Variants in CHCHD3 observed in about 807,000 individuals in gnomAD.
CHCHD3 encodes MICOS complex subunit MIC19.
CHCHD3 carries 20 observed loss-of-function variants against 38.2 expected under a neutral mutation model. The observed-to-expected ratio is 0.52, with a 90% confidence interval of 0.37 to 0.76. The LOEUF (loss-of-function observed/expected upper bound fraction) is 0.76, where lower values mean the gene tolerates loss of function less well. CHCHD3 is among the 30% of genes least tolerant of loss of function. The pLI, the probability that CHCHD3 is intolerant of heterozygous loss-of-function variation, is 0.00. For missense variants in CHCHD3, 245 were observed against 279.2 expected (o/e 0.88, Z 0.87); for synonymous variants, 82 against 100.0 (o/e 0.82, Z 1.07).
intron 3 of CHCHD3, among the ~76,000 whole-genome samples, chr7:133,006,492 TAAAA>T (rs764792096): frequency 0.02 from 971 of 49,628 alleles, 5 homozygotes; most frequent in Middle Eastern, 0.042. Flanking sequence ...AATAAATAAA[TAAAA>T]AAATAAATAA....
chr7:132,998,908 A>T (rs1812493726), intron 3 of CHCHD3, among the ~76,000 whole-genome samples: 1 of 152,182 alleles, frequency 6.6e-6, no homozygotes, highest in Admixed American at 6.5e-5. Flanking sequence ...AACAGCAAGG[A>T]GAAGAGGATT....
intron 7 of CHCHD3, 41 bp downstream of exon 7, chr7:132,796,401 A>T: frequency 6.2e-7 from 1 of 1,608,708 alleles, no homozygotes; most frequent in Non-Finnish European, 8.5e-7. Flanking sequence ...TCCAGTTTTC[A>T]ATTTGCCCAG....
chr7:132,880,453 A>G (rs1809022087), intron 5 of CHCHD3, among the ~76,000 whole-genome samples: 1 of 152,222 alleles, frequency 6.6e-6, no homozygotes, highest in African/African-American at 2.4e-5. Context: ...ACTTTCTCCC[A>G]GGATAGAATT....
chr7:132,862,124 G>T (rs564706723), intron 5 of CHCHD3, among the ~76,000 whole-genome samples: 1 of 151,602 alleles, frequency 6.6e-6, no homozygotes, highest in Non-Finnish European at 1.5e-5. Flanking sequence ...AAGGAAGGAA[G>T]GAGGGAAGAA....
At chr7:133,050,859 AC>A (rs1427805909) in intron 2 of CHCHD3, among the ~76,000 whole-genome samples, 1 of 151,910 alleles carries the variant, frequency 6.6e-6, no homozygotes, top group African/African-American at 2.4e-5. Context: ...TGCTAAAAAT[AC>A]AAAAAATTAG....
chr7:132,811,078 A>G (rs1563242323), intron 6 of CHCHD3, among the ~76,000 whole-genome samples: 1 of 152,154 alleles, frequency 6.6e-6, no homozygotes, highest in Admixed American at 6.5e-5. Flanking sequence ...TTGAGAAAAA[A>G]AAAATAAACC....
chr7:133,081,827 C>A, intron 1 of CHCHD3, 30 bp downstream of exon 1: 1 of 1,550,346 alleles, frequency 6.5e-7, no homozygotes, highest in Non-Finnish European at 8.7e-7. Context: ...AGTCCAACCA[C>A]TGGCCCTCCG....
chr7:132,807,729 A>G (rs1806968680), intron 6 of CHCHD3, among the ~76,000 whole-genome samples: 2 of 150,350 alleles, frequency 1.3e-5, no homozygotes, highest in Non-Finnish European at 3.0e-5. Context: ...CACAATTGCA[A>G]ATAGCAGTTG....
intron 6 of CHCHD3, among the ~76,000 whole-genome samples, chr7:132,802,396 C>T (rs1806815964): frequency 1.3e-5 from 2 of 152,112 alleles, no homozygotes; most frequent in Non-Finnish European, 2.9e-5. Context: ...TGGGATCTTG[C>T]CAACTGCACC....
intron 5 of CHCHD3, among the ~76,000 whole-genome samples, chr7:132,868,066 C>T (rs1357250746): frequency 3.3e-5 from 5 of 152,082 alleles, no homozygotes; most frequent in Admixed American, 3.3e-4. Flanking sequence ...TTATAATGCC[C>T]ATAATTTTAT....
chr7:132,798,771 T>G (rs1806687736), intron 6 of CHCHD3, among the ~76,000 whole-genome samples: 1 of 152,156 alleles, frequency 6.6e-6, no homozygotes, highest in African/African-American at 2.4e-5. Context: ...GAAGACAGTT[T>G]ATTTTTTCCT....
At chr7:133,066,586 C>T (rs1814676988) in intron 2 of CHCHD3, among the ~76,000 whole-genome samples, 1 of 152,046 alleles carries the variant, frequency 6.6e-6, no homozygotes, top group Non-Finnish European at 1.5e-5. Flanking sequence ...CTTTCAGTGC[C>T]CAGGCTGGTC....
intron 2 of CHCHD3, among the ~76,000 whole-genome samples, chr7:133,025,900 C>T (rs1813323592): frequency 6.6e-6 from 1 of 152,134 alleles, no homozygotes; most frequent in Non-Finnish European, 1.5e-5. Context: ...ATGCTTAGTC[C>T]CACAGCATAT....
intron 3 of CHCHD3, among the ~76,000 whole-genome samples, chr7:133,007,623 GAGAAACTAGCC>G: frequency 1.3e-5 from 2 of 152,210 alleles, no homozygotes; most frequent in East Asian, 3.9e-4. Flanking sequence ...CAAGGGTAGA[GAGAAACTAGCC>G]ACTCTCTGGA....
At chr7:132,866,782 C>T (rs1808636450) in intron 5 of CHCHD3, among the ~76,000 whole-genome samples, 1 of 152,184 alleles carries the variant, frequency 6.6e-6, no homozygotes, top group Non-Finnish European at 1.5e-5. Context: ...AAGACAGATA[C>T]TATACTTGAA....
intron 6 of CHCHD3, among the ~76,000 whole-genome samples, chr7:132,834,040 G>A (rs182567755): frequency 2.0e-5 from 3 of 152,276 alleles, no homozygotes; most frequent in African/African-American, 7.2e-5. Context: ...TCCGGTTCAG[G>A]TTCAAGATAG....
chr7:133,078,672 CACT>C (rs1815075123), intron 1 of CHCHD3, among the ~76,000 whole-genome samples: 1 of 152,178 alleles, frequency 6.6e-6, no homozygotes, highest in Non-Finnish European at 1.5e-5. Context: ...ACTTCCACAC[CACT>C]GTCAAAAAAT....
At chr7:133,038,253 GTATTA>G (rs201919747) in intron 2 of CHCHD3, among the ~76,000 whole-genome samples, 1,646 of 152,050 alleles carry the variant, frequency 0.011, 27 homozygotes, top group African/African-American at 0.037. Context: ...TCAAACATCT[GTATTA>G]TATTATATGA....
chr7:132,967,700 T>C (rs796221591), intron 4 of CHCHD3, among the ~76,000 whole-genome samples: 5 of 151,742 alleles, frequency 3.3e-5, no homozygotes, highest in African/African-American at 1.2e-4. Context: ...CATGGTGGAA[T>C]GTGCCTCCAG....
Sources: allele counts gnomAD v4.1 joint callset (sites outside exome capture counted in the v4.1 genomes callset), GRCh38; gene constraint gnomAD v4.1.1; transcripts MANE v1.5; gene names NCBI Gene and HGNC (gene_info 2026-07-23, HGNC 2026-07-21).